Variants in MEGF11 observed in about 807,000 individuals in gnomAD.
MEGF11 encodes multiple EGF like domains 11, also known as multiple epidermal growth factor-like domains protein 11.
In MEGF11, 126 loss-of-function variants were observed where a neutral mutation model predicts 146.6. That is an observed-to-expected ratio of 0.86 (90% CI 0.74 to 1.00). The LOEUF (loss-of-function observed/expected upper bound fraction) is 1.00, where lower values mean the gene tolerates loss of function less well. MEGF11 is among the 50% of genes least tolerant of loss of function. The pLI, the probability that MEGF11 is intolerant of heterozygous loss-of-function variation, is 0.00. For missense variants in MEGF11, 1,509 were observed against 1,521.2 expected (o/e 0.99, Z 0.13); for synonymous variants, 532 against 583.4 (o/e 0.91, Z 1.27).
intron 1 of MEGF11, among the ~76,000 whole-genome samples, chr15:66,241,873 C>T (rs2092217462): frequency 6.6e-6 from 1 of 152,170 alleles, no homozygotes; most frequent in African/African-American, 2.4e-5. Flanking sequence ...ATCTACACCA[C>T]CACACTCAGA....
At chr15:66,251,452 T>C (rs1489289713) in intron 1 of MEGF11, among the ~76,000 whole-genome samples, 4 of 152,310 alleles carry the variant, frequency 2.6e-5, no homozygotes, top group East Asian at 1.9e-4. Context: ...GAGCCCTGTG[T>C]GCGGGCTCCA....
At chr15:66,007,223 C>T (rs772859610) in intron 5 of MEGF11, among the ~76,000 whole-genome samples, 1 of 152,242 alleles carries the variant, frequency 6.6e-6, no homozygotes, top group Non-Finnish European at 1.5e-5. Flanking sequence ...TTACATGCAT[C>T]ACTAGCAGCA....
rs1417491754 is a variant in MEGF11, at chr15:65,982,250, G to T, written c.633C>A (p.Thr211=). The T allele has an allele frequency of 2.9e-6, 4 of 1,364,718 alleles. No homozygotes were observed. The highest frequency in any genetic ancestry group is 4.4e-5 in the Admixed American group (2 of 45,020). 84.5% of individuals were successfully genotyped at this position (1,364,718 alleles called of 1,614,324 possible). Residue 211 remains threonine (T), a synonymous_variant, in exon 6 of 26, where the codon ACC becomes ACA. Coordinates refer to ENST00000395614, the MANE Select transcript of MEGF11 (RefSeq NM_001385028.1). This position sits in a 1 kb window ranked among gnomAD's most constrained non-coding sequence, Gnocchi z 5.6. ...CCTGCCGCATGACTCACTAGACGCC[G>T]GTGTAGCCAGGTGCGCAGAGGCACT... ...AGECLCAPGY[T]GVYCEELCPP... is the part of the protein sequence containing the mutation.
intron 15 of MEGF11, 143 bp from the exon 16 acceptor site, chr15:65,918,237 G>A (rs1269355528): frequency 1.7e-6 from 2 of 1,161,228 alleles, no homozygotes; most frequent in Admixed American, 4.5e-5. Context: ...CGCCCGCCTT[G>A]GTACCCTTGT....
chr15:66,220,089 A>C (rs1029087328), intron 1 of MEGF11, among the ~76,000 whole-genome samples: 6 of 152,138 alleles, frequency 3.9e-5, no homozygotes, highest in Non-Finnish European at 8.8e-5. Flanking sequence ...ACCATGTGCC[A>C]ACAGAGGTAG....
chr15:66,095,817 G>T (rs534831858), intron 4 of MEGF11, among the ~76,000 whole-genome samples: 8 of 152,350 alleles, frequency 5.3e-5, no homozygotes, highest in South Asian at 4.1e-4. Flanking sequence ...GCCACAGGTA[G>T]CCTTCGGGGA....
At chr15:65,999,509 A>T (rs1255808268) in intron 5 of MEGF11, among the ~76,000 whole-genome samples, 1 of 152,140 alleles carries the variant, frequency 6.6e-6, no homozygotes, top group Non-Finnish European at 1.5e-5. Context: ...TAAGGTGGAT[A>T]CTGACCCATC....
At position 65,929,857 on chromosome 15, in the gene MEGF11, G is replaced by A; in HGVS notation, c.1435C>T (p.Pro479Ser). 3.8e-6 allele frequency: 6 copies of A among 1,598,238 alleles called. No homozygotes were observed. The highest frequency in any genetic ancestry group is 5.1e-6 in the Non-Finnish European group (6 of 1,172,716). The change falls in exon 12 of 26, where the codon CCA (proline) becomes TCA (serine). Residue 479 changes from proline to serine, a missense_variant. Coordinates refer to ENST00000395614, the MANE Select transcript of MEGF11 (RefSeq NM_001385028.1). ...EGWQGLDCTL[P>S]CPSGTWGLNC... ...AGGCCCCACGTCCCACTGGGACATG[G>A]CAGGGTGCAGTCCAGGCCCTGCCAC...
rs1201483152 is a variant in MEGF11, at chr15:65,917,969, G to T, written c.2083C>A (p.Gln695Lys). ...FPGWIGKDCS[Q>K]ACPPGFWGPA... ...TTCCCAGGTGGCAGCAGCTTACCCT[G>T]TGAGCAGTCCTTGCCAATCCATCCA... is the stretch of plus-strand genomic sequence containing the variant. Residue 695 changes from glutamine (Q) to lysine (K), a missense_variant, in exon 16 of 26, where the codon CAG becomes AAG. Physicochemically the swap from Gln to Lys is moderately conservative, Grantham distance 53 (BLOSUM62 1). Transcript: ENST00000395614. 7 of 1,613,872 alleles carry T rather than the reference G, an allele frequency of 4.3e-6. No homozygotes were observed. The highest frequency in any genetic ancestry group is 1.3e-5 in the African/African-American group (1 of 74,924).
chr15:66,001,458 G>A (rs1028265355), intron 5 of MEGF11, among the ~76,000 whole-genome samples: 1 of 152,146 alleles, frequency 6.6e-6, no homozygotes, highest in Non-Finnish European at 1.5e-5. Flanking sequence ...TCACAGCCAA[G>A]CATCGGGTTC....
chr15:66,080,574 C>T (rs11634212), intron 5 of MEGF11, among the ~76,000 whole-genome samples: 80,640 of 152,042 alleles, frequency 0.53, 22,009 homozygotes, highest in Non-Finnish European at 0.59. Flanking sequence ...TGGTCCTGAA[C>T]CCTGGGCACT....
intron 5 of MEGF11, among the ~76,000 whole-genome samples, chr15:66,056,300 A>G (rs1287599480): frequency 6.6e-6 from 1 of 152,156 alleles, no homozygotes; most frequent in East Asian, 1.9e-4. Flanking sequence ...GGTGGTAAAA[A>G]GGAGCAGGAC....
chr15:66,193,918 A>G (rs775263186), intron 1 of MEGF11, among the ~76,000 whole-genome samples: 1 of 152,232 alleles, frequency 6.6e-6, no homozygotes, highest in Non-Finnish European at 1.5e-5. Context: ...TAGCTCAAAC[A>G]GAAATTTATT....
intron 1 of MEGF11, among the ~76,000 whole-genome samples, chr15:66,204,979 A>ATT (rs34157473): frequency 2.8e-4 from 35 of 125,150 alleles, no homozygotes; most frequent in African/African-American, 7.7e-4. Context: ...CTTGGGTTGA[A>ATT]TTTTTTTTTT....
intron 1 of MEGF11, among the ~76,000 whole-genome samples, chr15:66,211,420 A>C (rs1296686174): frequency 2.0e-5 from 3 of 151,344 alleles, no homozygotes; most frequent in Non-Finnish European, 4.4e-5. Flanking sequence ...GCTACTCAGG[A>C]GGCTGAGGCA....
intron 1 of MEGF11, among the ~76,000 whole-genome samples, chr15:66,215,013 T>A (rs2140141639): frequency 1.3e-5 from 2 of 152,104 alleles, no homozygotes; most frequent in East Asian, 3.9e-4. Context: ...CAGAAGCACA[T>A]GGAATGCACA....
At chr15:66,055,216 TTTAGA>T in intron 5 of MEGF11, among the ~76,000 whole-genome samples, 3 of 152,304 alleles carry the variant, frequency 2.0e-5, no homozygotes, top group Middle Eastern at 6.8e-3. Context: ...CTACTGAACC[TTTAGA>T]TTATTTTACG....
At chr15:65,994,949 T>A (rs1385296625) in intron 5 of MEGF11, among the ~76,000 whole-genome samples, 1 of 152,190 alleles carries the variant, frequency 6.6e-6, no homozygotes, top group African/African-American at 2.4e-5. Context: ...GGGTGGGGCT[T>A]AAGTGCAGCA....
rs77956361 is a variant in MEGF11 at position 66,136,526 on chromosome 15, G to A, written c.-8-8115C>T. On this transcript the variant is annotated intron_variant, in intron 1 of 25. Coordinates refer to ENST00000395614, the MANE Select transcript of MEGF11 (RefSeq NM_001385028.1). Reference sequence around the variant, plus strand: ...GTTTCCTTAGAGAACCTTCCCGACCGACCTAGGCCAGGGGATTCTGAAGCC... The same window carrying A: ...GTTTCCTTAGAGAACCTTCCCGACCAACCTAGGCCAGGGGATTCTGAAGCC... Among the ~76,000 whole-genome samples, 211 of 152,288 alleles carry A rather than the reference G, an allele frequency of 1.4e-3. 1 individual carries two copies. In the East Asian group the frequency reaches 0.019, roughly 14 times the overall value.
Sources: gnomAD v4.1 joint callset for allele counts (sites outside exome capture counted in the v4.1 genomes callset) on GRCh38, gnomAD v4.1.1 for gene constraint, Gnocchi (gnomAD v3.1) non-coding constraint, MANE v1.5 for transcripts, NCBI Gene and HGNC (gene_info 2026-07-23, HGNC 2026-07-21) for gene names.